The following MARCHF6 variants were observed in gnomAD, a reference collection of about 807,000 sequenced individuals.
The protein encoded by MARCHF6 is E3 ubiquitin-protein ligase MARCHF6.
MARCHF6 carries 31 observed loss-of-function variants against 133.7 expected under a neutral mutation model. The ratio of observed to expected loss-of-function variants is 0.23; its 90% confidence interval spans 0.17 to 0.31. The LOEUF (loss-of-function observed/expected upper bound fraction) is 0.31, where lower values mean the gene tolerates loss of function less well. Among genes scored for constraint, MARCHF6 ranks in the 10% least tolerant of loss-of-function variants. The pLI, the probability that MARCHF6 is intolerant of heterozygous loss-of-function variation, is 1.00. For synonymous variants in MARCHF6, 395 were observed against 402.5 expected (o/e 0.98, Z 0.22); for missense variants, 723 against 1,121.6 (o/e 0.64, Z 5.08).
intron 5 of MARCHF6, among the ~76,000 whole-genome samples, chr5:10,387,910 C>T (rs1336686743): frequency 1.3e-5 from 2 of 152,158 alleles, no homozygotes; most frequent in African/African-American, 2.4e-5. Flanking sequence ...AATCTGCCTG[C>T]CTCGGCCTCT....
Position 10,407,144 on chromosome 5 carries a change from A to G in MARCHF6, c.1495A>G (p.Ile499Val). The G allele has an allele frequency of 7.4e-6, 12 of 1,613,400 alleles. No homozygotes were observed. Among genetic ancestry groups the G allele is most frequent in the Non-Finnish European group, 1.0e-5 (12 of 1,179,608 alleles). The change falls in exon 17 of 26, where the codon ATA becomes GTA. Residue 499 changes from isoleucine (I) to valine (V), a missense_variant. Physicochemically the swap from Ile to Val is conservative, Grantham distance 29 (BLOSUM62 3). Transcript: ENST00000274140. Reference sequence around the variant, plus strand: ...TGTCCTCCTGATGCTTTGGCTTCCTATACGTATAATTAAGAGTGTGCTGCC... The same window carrying G: ...TGTCCTCCTGATGCTTTGGCTTCCTGTACGTATAATTAAGAGTGTGCTGCC... ...SIVLLMLWLP[I>V]RIIKSVLPNF...
chr5:10,412,347 C>T (rs1739278010), intron 19 of MARCHF6, among the ~76,000 whole-genome samples: 1 of 152,180 alleles, frequency 6.6e-6, no homozygotes. Flanking sequence ...CAGATTTGAG[C>T]TCTCATGCTG....
Position 10,417,372 on chromosome 5 carries a change from T to G in MARCHF6, c.2251T>G (p.Leu751Val). The change falls in exon 22 of 26, where the codon TTG (leucine) becomes GTG (valine). Residue 751 changes from leucine to valine, a missense_variant. Around this residue, in one of 4 missense-constraint regions of MARCHF6, gnomAD observed 492 missense variants for 699.5 expected, o/e 0.70. Coordinates refer to ENST00000274140, the MANE Select transcript of MARCHF6 (RefSeq NM_005885.4). ...CATTGTGGCTCCCCTGAGGGTTCCC[T>G]TGGATCAGACTCCTCTTTTTTATCC... ...LVIVAPLRVP[L>V]DQTPLFYPWQ... 6.2e-7 allele frequency: 1 copy of G among 1,614,160 alleles called. No homozygotes were observed.
rs200405883 is a variant in MARCHF6, at chr5:10,380,155, T to TTGTGTG, written c.190+1355_190+1360dup. Reference sequence around the variant, plus strand: ...CTTACAAAGGATTTTTGTGTTTTAGTTGTGTGTGTGTGTGTGTGTGTGTGT... The same window carrying TTGTGTG: ...CTTACAAAGGATTTTTGTGTTTTAGTTGTGTGTGTGTGTGTGTGTGTGTGTGTGTGT... On this transcript the variant is annotated intron_variant, in intron 3 of 25. Coordinates refer to ENST00000274140, the MANE Select transcript of MARCHF6 (RefSeq NM_005885.4). Among the ~76,000 whole-genome samples the TTGTGTG allele has an allele frequency of 7.0e-3, 1,020 of 145,844 alleles. 6 individuals carry two copies. Among genetic ancestry groups the TTGTGTG allele is most frequent in the African/African-American group, 0.012 (469 of 39,696 alleles).
intron 3 of MARCHF6, 117 bp downstream of exon 3, chr5:10,378,949 C>T: frequency 1.8e-6 from 1 of 546,846 alleles, no homozygotes; most frequent in South Asian, 3.1e-5. Context: ...CACTTTAAAG[C>T]AATTATTTTC....
At position 10,394,115 on chromosome 5, in the gene MARCHF6, G is replaced by A. The variant is rs754572211; in HGVS notation, c.800G>A (p.Arg267Gln). The A allele has an allele frequency of 2.5e-6, 4 of 1,571,872 alleles. No homozygotes were observed. The highest frequency in any genetic ancestry group is 3.5e-6 in the Non-Finnish European group (4 of 1,157,464). Reference protein sequence around the residue: ...DMNWNALEWDRAAEELTWERM... With the variant: ...DMNWNALEWDQAAEELTWERM... ...AATTGGAATGCTTTAGAATGGGACC[G>A]AGCTGCTGAAGAGCTTACATGGGAA... The change falls in exon 8 of 26, where the codon CGA (arginine) becomes CAA (glutamine). Residue 267 changes from arginine (R) to glutamine (Q), a missense_variant. Physicochemically the swap from Arg to Gln is conservative, Grantham distance 43 (BLOSUM62 1). This residue lies in a region of MARCHF6 where 43 missense variants were observed against 97.9 expected (regional missense o/e 0.44). Transcript: ENST00000274140.
intron 20 of MARCHF6, among the ~76,000 whole-genome samples, chr5:10,414,809 G>T (rs992246971): frequency 6.6e-6 from 1 of 152,214 alleles, no homozygotes; most frequent in Non-Finnish European, 1.5e-5. Context: ...ACTAAATTAT[G>T]TAAATGGTCT....
intron 11 of MARCHF6, 43 bp from the exon 12 acceptor site, chr5:10,402,016 A>G (rs764786738): frequency 6.9e-6 from 8 of 1,157,086 alleles, no homozygotes; most frequent in Admixed American, 1.7e-5. Flanking sequence ...GGTGTAGAAC[A>G]TGTTGTAAAA....
chr5:10,373,946 G>A (rs902843202), intron 1 of MARCHF6, among the ~76,000 whole-genome samples: 8 of 152,070 alleles, frequency 5.3e-5, no homozygotes, highest in African/African-American at 9.7e-5. Context: ...AGTGACTCTG[G>A]TGATTCTAGG....
chr5:10,391,451 T>TTTG, intron 6 of MARCHF6, 91 bp from the exon 7 acceptor site: 1 of 542,592 alleles, frequency 1.8e-6, no homozygotes, highest in Non-Finnish European at 2.8e-6. Flanking sequence ...TTTTTTTTTT[T>TTTG]TTTTTTTTTT....
At chr5:10,390,242 TGAGACTTTAGTATAAGAAAA>T in intron 5 of MARCHF6, 70 bp from the exon 6 acceptor site, 3 of 978,390 alleles carry the variant, frequency 3.1e-6, no homozygotes, top group Admixed American at 2.6e-5. Context: ...TTTTTTTTTC[TGAGACTTTAGTATAAGAAAA>T]TTTTTTACCT....
chr5:10,407,188 T>C lies in MARCHF6; in HGVS notation c.1539T>C (p.Asn513=). 1 of 1,606,190 alleles carries C rather than the reference T, an allele frequency of 6.2e-7. No homozygotes were observed. Among genetic ancestry groups the C allele is most frequent in the Non-Finnish European group, 8.5e-7 (1 of 1,173,826 alleles). Residue 513 remains asparagine (N), a synonymous_variant, in exon 17 of 26, where the codon AAT becomes AAC. Coordinates refer to ENST00000274140, the MANE Select transcript of MARCHF6 (RefSeq NM_005885.4). ...TGCTGCCTAATTTTCTTCCATACAA[T>C]GTCATGCTCTACAGGTAAGTTTTAA... ...KSVLPNFLPY[N]VMLYSDAPVS...
intron 22 of MARCHF6, among the ~76,000 whole-genome samples, chr5:10,421,020 T>TA (rs1739796272): frequency 6.6e-6 from 1 of 152,200 alleles, no homozygotes; most frequent in African/African-American, 2.4e-5. Context: ...CTCCATGATG[T>TA]GTTACTCCCT....
chr5:10,372,244 G>C (rs1172644749), intron 1 of MARCHF6, among the ~76,000 whole-genome samples: 2 of 151,932 alleles, frequency 1.3e-5, no homozygotes, highest in Non-Finnish European at 1.5e-5. Context: ...CCCAATTGAG[G>C]GGGGAGAAAA....
At chr5:10,386,369 T>A (rs1373738285) in intron 4 of MARCHF6, among the ~76,000 whole-genome samples, 1 of 152,232 alleles carries the variant, frequency 6.6e-6, no homozygotes, top group Non-Finnish European at 1.5e-5. Flanking sequence ...CTGTGGTCTG[T>A]TATCTCATTC....
intron 1 of MARCHF6, among the ~76,000 whole-genome samples, chr5:10,374,592 C>A (rs942610090): frequency 1.3e-5 from 2 of 152,076 alleles, no homozygotes; most frequent in African/African-American, 4.8e-5. Flanking sequence ...AGTATTGCAC[C>A]GCTAGGACTC....
At chr5:10,411,799 A>G (rs1023531575) in intron 19 of MARCHF6, among the ~76,000 whole-genome samples, 2 of 152,234 alleles carry the variant, frequency 1.3e-5, no homozygotes, top group African/African-American at 4.8e-5. Context: ...AACATTATTG[A>G]TACATTTCAA....
chr5:10,387,004 C>T lies in MARCHF6; in HGVS notation c.345C>T (p.Tyr115=). ...GCTCTTTTTCGGTAGGCCGCATCTA[C>T]AAGTGCTTGTTTACTGGCTCCGTGA... is the stretch of plus-strand genomic sequence containing the variant. ...GVVPLTACRI[Y]KCLFTGSVSS... Residue 115 remains tyrosine (Y), a synonymous_variant, in exon 5 of 26, where the codon TAC becomes TAT. Transcript: ENST00000274140. 1.2e-6 allele frequency: 2 copies of T among 1,613,304 alleles called. No homozygotes were observed. The highest frequency in any genetic ancestry group is 1.3e-5 in the African/African-American group (1 of 75,046).
rs1194604082 is a variant in MARCHF6, at chr5:10,353,935, G to A, written c.19+18G>A. ...GGAGGAAGGTAAGTCGGCGACGCGC[G>A]GCGCCCGAGCCCTTGCGTCGGCGCC... On this transcript the variant is annotated intron_variant, in intron 1 of 25. Transcript: ENST00000274140. 6.5e-7 allele frequency: 1 copy of A among 1,548,266 alleles called. No individual in the cohort carries two copies.
Sources: gnomAD v4.1 joint callset for allele counts (sites outside exome capture counted in the v4.1 genomes callset) on GRCh38, gnomAD v4.1.1 for gene constraint, gnomAD v4.1.1 regional missense constraint, MANE v1.5 for transcripts, NCBI Gene and HGNC (gene_info 2026-07-23, HGNC 2026-07-21) for gene names.